PDZD2: variants seen among roughly 807,000 people sequenced by gnomAD.
PDZD2 encodes PDZ domain containing 2, also known as PDZ domain-containing protein 2.
A neutral mutation model predicts 220.7 loss-of-function variants in PDZD2; 90 were observed. That is an observed-to-expected ratio of 0.41 (90% CI 0.34 to 0.49). The LOEUF (loss-of-function observed/expected upper bound fraction) is 0.49. Among genes scored for constraint, PDZD2 ranks in the 20% least tolerant of loss-of-function variants. The probability of loss-of-function intolerance (pLI) is 0.28; values close to 1 mark genes in which losing one functional copy is unlikely to be tolerated. For missense variants in PDZD2, 3,174 were observed against 3,608.5 expected, an observed-to-expected ratio of 0.88 and a Z score of 3.08; for synonymous variants, 1,375 against 1,450.5, an observed-to-expected ratio of 0.95 and a Z score of 1.18.
At chr5:31,833,635 C>CAAAAAAAA (rs75394129) in intron 2 of PDZD2, among the ~76,000 whole-genome samples, 3 of 126,288 alleles carry the variant, frequency 2.4e-5, no homozygotes, top group Non-Finnish European at 3.3e-5. Context: ...GACCCTGTCT[C>CAAAAAAAA]AAAAAAAAAA....
chr5:31,831,978 T>C (rs1352546491), intron 2 of PDZD2, among the ~76,000 whole-genome samples: 1 of 151,508 alleles, frequency 6.6e-6, no homozygotes, highest in African/African-American at 2.4e-5. Context: ...AGTGAAAATT[T>C]TGGGCAAAGA....
At chr5:31,749,932 C>T (rs551779752) in intron 1 of PDZD2, among the ~76,000 whole-genome samples, 18 of 152,318 alleles carry the variant, frequency 1.2e-4, no homozygotes, top group East Asian at 7.7e-4. Context: ...ACTGGCATCC[C>T]GCCATGATGT....
chr5:31,783,199 C>T (rs1753155672), intron 1 of PDZD2, among the ~76,000 whole-genome samples: 1 of 152,156 alleles, frequency 6.6e-6, no homozygotes, highest in African/African-American at 2.4e-5. Flanking sequence ...TCCTCACTGG[C>T]TTAACCAGTG....
At chr5:31,904,864 AAGC>A (rs951005586) in intron 2 of PDZD2, among the ~76,000 whole-genome samples, 38 of 152,232 alleles carry the variant, frequency 2.5e-4, no homozygotes, top group Non-Finnish European at 7.3e-5. Flanking sequence ...ATTAGGAAAA[AAGC>A]AGCACATCTA....
chr5:31,663,131 T>C (rs1745847869), intron 1 of PDZD2, among the ~76,000 whole-genome samples: 1 of 152,208 alleles, frequency 6.6e-6, no homozygotes, highest in Non-Finnish European at 1.5e-5. Flanking sequence ...GATGAACAAA[T>C]TGATCTAAAT....
chr5:31,799,327 G>A lies in PDZD2; in HGVS notation c.79G>A (p.Gly27Arg), dbSNP rs758528825. 6.2e-7 allele frequency: 1 copy of A among 1,614,178 alleles called. No homozygotes were observed. Among genetic ancestry groups the A allele is most frequent in the South Asian group, 1.1e-5 (1 of 91,080 alleles). The change falls in exon 2 of 25, where the codon GGG becomes AGG. Residue 27 changes from glycine to arginine, a missense_variant. Physicochemically the swap from Gly to Arg is moderately radical, Grantham distance 125. This residue lies in a region of PDZD2 where 632 missense variants were observed against 708.1 expected (regional missense o/e 0.89). Transcript: ENST00000438447. ...QWLQNSLQEGGDGPEQRLCQA... is the reference protein window; with the variant it reads ...QWLQNSLQEGRDGPEQRLCQA... Reference sequence around the variant, plus strand: ...GCTGCAGAACAGCCTGCAGGAAGGTGGGGATGGGCCGGAGCAGCGGCTCTG... The same window carrying A: ...GCTGCAGAACAGCCTGCAGGAAGGTAGGGATGGGCCGGAGCAGCGGCTCTG...
intron 1 of PDZD2, among the ~76,000 whole-genome samples, chr5:31,691,269 GGCTCGTGGTCTC>G (rs1414812602): frequency 6.6e-6 from 1 of 152,024 alleles, no homozygotes; most frequent in African/African-American, 2.4e-5. Context: ...CCTCCCGGTG[GGCTCGTGGTCTC>G]GCTGGCTTCA....
chr5:31,678,815 C>T (rs1473889072), intron 1 of PDZD2, among the ~76,000 whole-genome samples: 1 of 152,118 alleles, frequency 6.6e-6, no homozygotes, highest in Non-Finnish European at 1.5e-5. Flanking sequence ...CTATGTTGGC[C>T]AGGCTGGTCT....
At chr5:32,024,848 C>T (rs1474594075) in intron 6 of PDZD2, among the ~76,000 whole-genome samples, 1 of 152,192 alleles carries the variant, frequency 6.6e-6, no homozygotes, top group Non-Finnish European at 1.5e-5. Flanking sequence ...TTCAACTGCT[C>T]ACCTCTGCCT....
In PDZD2 at chr5:31,995,808, TC is replaced by T. The variant is rs1751581571; in HGVS notation, c.1121+91del. 3 of 1,195,606 alleles carry T rather than the reference TC, an allele frequency of 2.5e-6. No homozygotes were observed. In the Admixed American group the frequency reaches 6.3e-5, roughly 25 times the overall value. The allele number at this position is 1,195,606 out of a possible 1,614,324, so 74.1% of individuals were successfully genotyped here. A position where few individuals can be genotyped will look rare whatever the true frequency, so the allele number is the denominator to read the frequency against. On this transcript the variant is annotated intron_variant, in intron 4 of 24. Transcript: ENST00000438447. Reference sequence around the variant, plus strand: ...CTGGTGCAGGTGCTCTTCCACTTGTTCAAAGCCCTGGCGATTATAGTTCATA... The same window carrying T: ...CTGGTGCAGGTGCTCTTCCACTTGTTAAAGCCCTGGCGATTATAGTTCATA...
intron 1 of PDZD2, among the ~76,000 whole-genome samples, chr5:31,797,291 C>T (rs527763531): frequency 2.0e-5 from 3 of 151,648 alleles, no homozygotes; most frequent in East Asian, 3.9e-4. Flanking sequence ...CTGTGACTAA[C>T]ATCCTGAATC....
At chr5:31,761,051 GAGGGGCACATAGT>G (rs1286646949) in intron 1 of PDZD2, among the ~76,000 whole-genome samples, 1 of 152,212 alleles carries the variant, frequency 6.6e-6, no homozygotes, top group Non-Finnish European at 1.5e-5. Flanking sequence ...TCCGTGTGGG[GAGGGGCACATAGT>G]AGGGGTGGTG....
rs771482306 is a variant in PDZD2, at chr5:32,072,138, T to C, written c.2569-23T>C. ...TGCTTCTGCTGTGTTTTCTTAGTTA[T>C]CGGATGTTTTCTTCTTCAACAGGAC... On this transcript the variant is annotated intron_variant, in intron 16 of 24. Transcript: ENST00000438447. 2.9e-5 allele frequency: 45 copies of C among 1,570,708 alleles called. No individual in the cohort carries two copies. The East Asian group carries it at 9.7e-4, about 34-fold the overall frequency.
chr5:31,974,702 G>A (rs533452186), intron 2 of PDZD2, among the ~76,000 whole-genome samples: 42 of 152,222 alleles, frequency 2.8e-4, no homozygotes, highest in Admixed American at 5.2e-4. Context: ...GTTCCTTCAG[G>A]GCAGTATGGA....
At chr5:31,839,268 G>T (rs565847748) in intron 2 of PDZD2, among the ~76,000 whole-genome samples, 59 of 152,242 alleles carry the variant, frequency 3.9e-4, no homozygotes, top group Non-Finnish European at 7.8e-4. Flanking sequence ...GGAGTTCAAA[G>T]CAAACAGTAA....
At chr5:31,888,176 T>C (rs1389784155) in intron 2 of PDZD2, among the ~76,000 whole-genome samples, 1 of 152,082 alleles carries the variant, frequency 6.6e-6, no homozygotes, top group African/African-American at 2.4e-5. Flanking sequence ...TTTCCTCTTT[T>C]CTTCTCTTCT....
intron 1 of PDZD2, among the ~76,000 whole-genome samples, chr5:31,687,793 C>T (rs1253892297): frequency 1.3e-5 from 2 of 152,178 alleles, no homozygotes; most frequent in Non-Finnish European, 2.9e-5. Context: ...GCAGAGAGAG[C>T]GCGCTGATGT....
chr5:31,689,939 A>G (rs950614588), intron 1 of PDZD2, among the ~76,000 whole-genome samples: 1 of 152,190 alleles, frequency 6.6e-6, no homozygotes, highest in Non-Finnish European at 1.5e-5. Flanking sequence ...AGAAATTCCC[A>G]TAGGCCCATG....
rs375397172 is a variant in PDZD2 at position 31,703,606 on chromosome 5, G to A, written c.-361+64169G>A. On this transcript the variant is annotated intron_variant, in intron 1 of 24. Transcript: ENST00000438447. ...GCATGCCGATGTAATAAACCTGCAC[G>A]TTCTGCACATGTATCCCAGAACTTT... is the stretch of plus-strand genomic sequence containing the variant. 1.3e-3 allele frequency among the ~76,000 whole-genome samples: 197 copies of A among 152,196 alleles called. 1 individual carries two copies. Among genetic ancestry groups the A allele is most frequent in the East Asian group, 5.0e-3 (26 of 5,162 alleles).
Sources: allele counts gnomAD v4.1 joint callset (sites outside exome capture counted in the v4.1 genomes callset), GRCh38; gene constraint gnomAD v4.1.1; regional missense constraint gnomAD v4.1.1; transcripts MANE v1.5; gene names NCBI Gene and HGNC (gene_info 2026-07-23, HGNC 2026-07-21).